The following TYW1B variants were observed in gnomAD, a reference collection of about 807,000 sequenced individuals.
TYW1B encodes tRNA-yW synthesizing protein 1 homolog B, also known as S-adenosyl-L-methionine-dependent tRNA 4-demethylwyosine synthase TYW1B.
TYW1B carries 73 observed loss-of-function variants against 86.9 expected under a neutral mutation model. The ratio of observed to expected loss-of-function variants is 0.84; its 90% CI spans 0.70 to 1.02. The LOEUF (loss-of-function observed/expected upper bound fraction) is 1.02. Among genes scored for constraint, TYW1B ranks in the 50% least tolerant of loss-of-function variants. The pLI is 0.00. For missense variants in TYW1B, 637 were observed against 827.4 expected, an observed-to-expected ratio of 0.77 and a Z score of 2.82; for synonymous variants, 248 against 292.8, an observed-to-expected ratio of 0.85 and a Z score of 1.56.
intron 13 of TYW1B, among the ~76,000 whole-genome samples, chr7:72,609,195 T>C (rs146580814): frequency 0.013 from 2,049 of 152,294 alleles, 56 homozygotes; most frequent in African/African-American, 0.047. Context: ...GGTATAACAA[T>C]AGGAAAGTAG....
chr7:72,690,710 T>C lies in TYW1B; in HGVS notation c.1506+3977A>G, dbSNP rs190029982. On this transcript the variant is annotated intron_variant, in intron 11 of 13. Transcript: ENST00000620995. ...TAAAATATCTGAAATAACACTCTTATTTATAGTAATCTGGTATCATTTGAG... is the reference window on the plus strand; with the variant it reads ...TAAAATATCTGAAATAACACTCTTACTTATAGTAATCTGGTATCATTTGAG... 4.3e-3 allele frequency among the ~76,000 whole-genome samples: 656 copies of C among 152,336 alleles called. 1 individual carries two copies. The highest frequency in any genetic ancestry group is 6.4e-3 in the Non-Finnish European group (438 of 68,032).
intron 10 of TYW1B, among the ~76,000 whole-genome samples, chr7:72,699,368 T>C (rs1309367808): frequency 6.6e-6 from 1 of 152,118 alleles, no homozygotes; most frequent in Non-Finnish European, 1.5e-5. Flanking sequence ...AGGGTTAGGT[T>C]TGGCTTACTG....
chr7:72,710,171 T>C (rs1287653812), intron 10 of TYW1B, among the ~76,000 whole-genome samples: 1 of 152,188 alleles, frequency 6.6e-6, no homozygotes, highest in Non-Finnish European at 1.5e-5. Context: ...CTTCTCTGGT[T>C]ATCATTTTGC....
At chr7:72,790,202 T>A (rs1188348981) in intron 6 of TYW1B, among the ~76,000 whole-genome samples, 1 of 151,890 alleles carries the variant, frequency 6.6e-6, no homozygotes, top group Non-Finnish European at 1.5e-5. Flanking sequence ...TGCCTCGGCC[T>A]CCCAAAATGC....
At chr7:72,699,897 G>A (rs1184920514) in intron 10 of TYW1B, among the ~76,000 whole-genome samples, 1 of 152,058 alleles carries the variant, frequency 6.6e-6, no homozygotes, top group African/African-American at 2.4e-5. Context: ...TGATCTGCCT[G>A]CCTCGGCCTC....
chr7:72,801,658 T>C (rs1295390760), intron 6 of TYW1B, among the ~76,000 whole-genome samples: 3 of 152,116 alleles, frequency 2.0e-5, no homozygotes, highest in East Asian at 1.9e-4. Context: ...TGTACAATAT[T>C]ACTTCAATTT....
At chr7:72,721,281 C>T (rs1408159071) in intron 9 of TYW1B, among the ~76,000 whole-genome samples, 1 of 152,172 alleles carries the variant, frequency 6.6e-6, no homozygotes, top group Non-Finnish European at 1.5e-5. Flanking sequence ...ATGGCTGGGT[C>T]AAATGGTATT....
intron 2 of TYW1B, among the ~76,000 whole-genome samples, chr7:72,826,121 T>C (rs1233184549): frequency 6.6e-6 from 1 of 152,134 alleles, no homozygotes. Flanking sequence ...CTGAGAACCA[T>C]AAAAAATCTT....
At chr7:72,780,175 G>A (rs1173689922) in intron 6 of TYW1B, among the ~76,000 whole-genome samples, 2 of 152,042 alleles carry the variant, frequency 1.3e-5, no homozygotes, top group African/African-American at 4.8e-5. Flanking sequence ...TCGCTATGTC[G>A]CCCAGGCTGG....
intron 11 of TYW1B, among the ~76,000 whole-genome samples, chr7:72,635,604 G>A (rs1443561391): frequency 3.3e-5 from 5 of 152,116 alleles, no homozygotes; most frequent in African/African-American, 4.8e-5. Context: ...CTCTTATGTC[G>A]TCCTTCTGAA....
At chr7:72,727,064 T>C (rs549393685) in intron 9 of TYW1B, among the ~76,000 whole-genome samples, 1 of 152,078 alleles carries the variant, frequency 6.6e-6, no homozygotes, top group Non-Finnish European at 1.5e-5. Context: ...TCTCGACGCA[T>C]AGGGATTATG....
intron 7 of TYW1B, among the ~76,000 whole-genome samples, chr7:72,775,990 A>T (rs1286932000): frequency 1.3e-5 from 2 of 152,162 alleles, no homozygotes; most frequent in Admixed American, 6.6e-5. Flanking sequence ...GCTTTAGAGC[A>T]TACGTAAAAC....
chr7:72,796,765 A>G (rs1393650220), intron 6 of TYW1B, among the ~76,000 whole-genome samples: 2 of 150,604 alleles, frequency 1.3e-5, no homozygotes, highest in African/African-American at 4.9e-5. Flanking sequence ...ATCATAAGGA[A>G]TGCTATTCAG....
At chr7:72,725,539 A>G (rs1786983302) in intron 9 of TYW1B, among the ~76,000 whole-genome samples, 1 of 152,292 alleles carries the variant, frequency 6.6e-6, no homozygotes, top group East Asian at 1.9e-4. Context: ...GCGTCCAGAT[A>G]TTTGTTCAGC....
intron 6 of TYW1B, among the ~76,000 whole-genome samples, chr7:72,781,714 C>G (rs1788053484): frequency 6.6e-6 from 1 of 152,180 alleles, no homozygotes; most frequent in South Asian, 2.1e-4. Context: ...AAAAGCCAAA[C>G]TAAATGGCCT....
chr7:72,822,310 A>G (rs1289447968), intron 2 of TYW1B, among the ~76,000 whole-genome samples: 1 of 152,074 alleles, frequency 6.6e-6, no homozygotes, highest in Admixed American at 6.6e-5. Context: ...AAGAAATGAA[A>G]AGGGAAAAAA....
At chr7:72,722,494 G>A (rs1786922821) in intron 9 of TYW1B, among the ~76,000 whole-genome samples, 1 of 152,170 alleles carries the variant, frequency 6.6e-6, no homozygotes. Context: ...TAGACACTGA[G>A]TGGCACTGAA....
At chr7:72,645,388 T>G (rs1459216808) in intron 11 of TYW1B, among the ~76,000 whole-genome samples, 19 of 152,306 alleles carry the variant, frequency 1.2e-4, no homozygotes, top group South Asian at 2.1e-4. Context: ...TATCTACTAA[T>G]GATGACTGAA....
intron 13 of TYW1B, among the ~76,000 whole-genome samples, chr7:72,577,719 C>T (rs117069681): frequency 0.035 from 5,379 of 152,200 alleles, 156 homozygotes; most frequent in Middle Eastern, 0.054. Flanking sequence ...TTCACACAGA[C>T]GGCCTGAGAC....
Sources: allele counts gnomAD v4.1 joint callset (sites outside exome capture counted in the v4.1 genomes callset), GRCh38; gene constraint gnomAD v4.1.1; transcripts MANE v1.5; gene names NCBI Gene and HGNC (gene_info 2026-07-23, HGNC 2026-07-21).